Variants in CABIN1 observed in about 807,000 individuals in gnomAD.
The protein encoded by CABIN1 is calcineurin-binding protein cabin-1.
In CABIN1, 133 loss-of-function variants were observed where a neutral mutation model predicts 227.7. That is an observed-to-expected ratio of 0.58 (90% CI 0.51 to 0.67). The LOEUF (loss-of-function observed/expected upper bound fraction) is 0.67, where lower values mean the gene tolerates loss of function less well. CABIN1 is among the 30% of genes least tolerant of loss of function. The probability of loss-of-function intolerance (pLI) is 0.00; values close to 1 mark genes in which losing one functional copy is unlikely to be tolerated. For missense variants in CABIN1, 2,408 were observed against 2,852.5 expected (o/e 0.84, Z 3.55); for synonymous variants, 1,086 against 1,155.1 (o/e 0.94, Z 1.21).
At chr22:24,041,940 A>T (rs942791349) in intron 5 of CABIN1, among the ~76,000 whole-genome samples, 1 of 152,206 alleles carries the variant, frequency 6.6e-6, no homozygotes, top group African/African-American at 2.4e-5. Flanking sequence ...CTTGAATCCC[A>T]TAAGACTCTC....
intron 1 of CABIN1, among the ~76,000 whole-genome samples, chr22:24,012,346 T>C (rs2034882030): frequency 6.6e-6 from 1 of 152,144 alleles, no homozygotes; most frequent in South Asian, 2.1e-4. Flanking sequence ...TATGAAAAAA[T>C]GTAAAAACCA....
chr22:24,026,974 A>G (rs569146904), intron 1 of CABIN1, among the ~76,000 whole-genome samples: 9 of 152,252 alleles, frequency 5.9e-5, no homozygotes, highest in East Asian at 1.9e-4. Context: ...TGTTTGGGGG[A>G]AAATTGACAT....
intron 6 of CABIN1, among the ~76,000 whole-genome samples, chr22:24,043,404 C>G (rs1019988170): frequency 6.0e-4 from 77 of 128,586 alleles, no homozygotes; most frequent in African/African-American, 2.2e-3. Flanking sequence ...TTTTGTGTGT[C>G]TTAGTCTGTT....
At position 24,084,704 on chromosome 22, in the gene CABIN1, T is replaced by A; in HGVS notation, c.3036T>A (p.Ile1012=). 1 of 1,614,184 alleles carries A rather than the reference T, an allele frequency of 6.2e-7. No homozygotes were observed. Among genetic ancestry groups the A allele is most frequent in the Non-Finnish European group, 8.5e-7 (1 of 1,180,030 alleles). The change falls in exon 21 of 37, where the codon ATT becomes ATA. Residue 1012 remains isoleucine (I), a synonymous_variant. Transcript: ENST00000263119. ...ACTTGGCCAACCTACTGAAGAGAAT[T>A]GCCACCATTGTGCCTCGCACAGAGA... ...SADLANLLKR[I]ATIVPRTERP...
At chr22:24,081,718 CTATTTTTAT>C (rs1458566485) in intron 19 of CABIN1, among the ~76,000 whole-genome samples, 2 of 148,714 alleles carry the variant, frequency 1.3e-5, no homozygotes, top group African/African-American at 2.5e-5. Context: ...TTTCTTTTTT[CTATTTTTAT>C]TATTTTTAAA....
At chr22:24,074,183 A>G (rs995347328) in intron 18 of CABIN1, among the ~76,000 whole-genome samples, 1 of 152,184 alleles carries the variant, frequency 6.6e-6, no homozygotes, top group African/African-American at 2.4e-5. Context: ...ACACGAAAAG[A>G]CTTCTGGACT....
At chr22:24,134,841 G>A (rs545175200) in intron 29 of CABIN1, among the ~76,000 whole-genome samples, 1 of 152,364 alleles carries the variant, frequency 6.6e-6, no homozygotes, top group Admixed American at 6.5e-5. Context: ...ACTTTTGGAG[G>A]CCGAGGCGGG....
At chr22:24,166,515 A>G in intron 31 of CABIN1, 124 bp from the exon 32 acceptor site, 1 of 1,186,392 alleles carries the variant, frequency 8.4e-7, no homozygotes, top group South Asian at 1.2e-5. Flanking sequence ...GCCAGCTGGC[A>G]GATGTCCGGA....
chr22:24,037,014 C>T (rs989265462), intron 3 of CABIN1, among the ~76,000 whole-genome samples: 1 of 152,080 alleles, frequency 6.6e-6, no homozygotes, highest in Non-Finnish European at 1.5e-5. Context: ...AATCCCAGCA[C>T]TTTGGGAGGC....
intron 1 of CABIN1, among the ~76,000 whole-genome samples, chr22:24,016,846 T>G (rs1222352450): frequency 1.3e-5 from 2 of 152,122 alleles, no homozygotes; most frequent in Non-Finnish European, 2.9e-5. Flanking sequence ...TAGTGTCTAG[T>G]GTTGTTTTGT....
At chr22:24,113,519 T>C (rs1602154229) in intron 26 of CABIN1, 47 bp from the exon 27 acceptor site, 2 of 1,557,206 alleles carry the variant, frequency 1.3e-6, no homozygotes, top group Admixed American at 3.3e-5. Context: ...GTGTTGGAGG[T>C]GGTGTAGGTT....
chr22:24,140,479 G>A (rs1333557650), intron 29 of CABIN1, among the ~76,000 whole-genome samples: 1 of 152,166 alleles, frequency 6.6e-6, no homozygotes, highest in East Asian at 1.9e-4. Context: ...GTGTCTGGGT[G>A]CCCAGAAGCT....
At chr22:24,084,501 T>C in intron 20 of CABIN1, 78 bp from the exon 21 acceptor site, 1 of 1,154,846 alleles carries the variant, frequency 8.7e-7, no homozygotes, top group East Asian at 2.3e-5. Context: ...ACAAAGTGCG[T>C]TTCTATGGAG....
At chr22:24,044,748 G>A (rs1328356632) in intron 6 of CABIN1, among the ~76,000 whole-genome samples, 5 of 152,020 alleles carry the variant, frequency 3.3e-5, no homozygotes, top group Non-Finnish European at 7.4e-5. Flanking sequence ...TTATAACAAG[G>A]ATCACCTTTT....
At chr22:24,162,116 C>G (rs958982984) in intron 29 of CABIN1, 1 of 152,260 alleles carries the variant, frequency 6.6e-6, no homozygotes, top group African/African-American at 2.4e-5. Flanking sequence ...TTGCTACCAC[C>G]CTGCTGGCTC....
At position 24,177,188 on chromosome 22, in the gene CABIN1, C is replaced by T. The variant is rs1248810387; in HGVS notation, c.6206-316C>T. Among the ~76,000 whole-genome samples, 1 of 152,236 alleles carries T rather than the reference C, an allele frequency of 6.6e-6. No homozygotes were observed. Among genetic ancestry groups the T allele is most frequent in the Non-Finnish European group, 1.5e-5 (1 of 68,032 alleles). On this transcript the variant is annotated intron_variant, in intron 35 of 36. Transcript: ENST00000263119. This position sits in a 1 kb window ranked among gnomAD's most constrained non-coding sequence, Gnocchi z 4.4. ...TCCTAGGATGGTTGTGGAAATACGA[C>T]AGTTCATGCAAGCATGATGCCTGGA...
chr22:24,110,639 C>CT (rs369530945), intron 26 of CABIN1, among the ~76,000 whole-genome samples: 150,793 of 150,882 alleles, frequency 1, 75,352 homozygotes, highest in Middle Eastern at 1. Context: ...AAAAACAAAC[C>CT]TTTTTTTTTC....
At chr22:24,012,563 G>C (rs186271926) in intron 1 of CABIN1, among the ~76,000 whole-genome samples, 83 of 152,200 alleles carry the variant, frequency 5.5e-4, no homozygotes, top group Non-Finnish European at 7.9e-4. Context: ...TTATCACTCT[G>C]GATCAGGGTG....
chr22:24,164,041 A>G (rs2046306063), intron 29 of CABIN1, among the ~76,000 whole-genome samples: 1 of 152,214 alleles, frequency 6.6e-6, no homozygotes, highest in African/African-American at 2.4e-5. Context: ...GTGGCTGGGT[A>G]AGCACCTGTG....
Sources: gnomAD v4.1 joint callset for allele counts (sites outside exome capture counted in the v4.1 genomes callset) on GRCh38, gnomAD v4.1.1 for gene constraint, Gnocchi (gnomAD v3.1) non-coding constraint, MANE v1.5 for transcripts, NCBI Gene and HGNC (gene_info 2026-07-23, HGNC 2026-07-21) for gene names.